The following HPSE2 variants were observed in gnomAD, a reference collection of about 807,000 sequenced individuals.
The protein encoded by HPSE2 is heparanase 2 (inactive).
A neutral mutation model predicts 60.5 loss-of-function variants in HPSE2; 38 were observed. That is an observed-to-expected ratio of 0.63 (90% CI 0.48 to 0.82). The LOEUF (loss-of-function observed/expected upper bound fraction) is 0.82, where lower values mean the gene tolerates loss of function less well. HPSE2 is among the 40% of genes least tolerant of loss of function. HPSE2 has a pLI of 0.00. For missense variants in HPSE2, 713 were observed against 740.4 expected (o/e 0.96, Z 0.43); for synonymous variants, 295 against 293.2 (o/e 1.01, Z -0.06).
intron 3 of HPSE2, among the ~76,000 whole-genome samples, chr10:98,923,818 A>G (rs1257441955): frequency 6.6e-6 from 1 of 152,084 alleles, no homozygotes; most frequent in East Asian, 1.9e-4. Flanking sequence ...GTGTTATCTT[A>G]AGTTTCTTTG....
intron 9 of HPSE2, among the ~76,000 whole-genome samples, chr10:98,513,113 C>T (rs924599611): frequency 1.3e-5 from 2 of 152,136 alleles, no homozygotes; most frequent in African/African-American, 4.8e-5. Context: ...TCCCTAGAGT[C>T]TAACACAGCA....
At chr10:98,760,568 G>A (rs1159042830) in intron 3 of HPSE2, among the ~76,000 whole-genome samples, 1 of 151,986 alleles carries the variant, frequency 6.6e-6, no homozygotes, top group Non-Finnish European at 1.5e-5. Flanking sequence ...CATGGTTTTT[G>A]TCCTTTAGTC....
intron 7 of HPSE2, among the ~76,000 whole-genome samples, chr10:98,629,582 C>G (rs201416056): frequency 6.6e-6 from 1 of 152,208 alleles, no homozygotes; most frequent in Non-Finnish European, 1.5e-5. Context: ...CTCACTGCCC[C>G]TCCCTGAGTT....
chr10:99,025,502 T>C (rs1450956682), intron 3 of HPSE2, among the ~76,000 whole-genome samples: 2 of 152,088 alleles, frequency 1.3e-5, no homozygotes, highest in Non-Finnish European at 2.9e-5. Flanking sequence ...ATATACACCA[T>C]GGAATACTAC....
intron 3 of HPSE2, among the ~76,000 whole-genome samples, chr10:99,003,214 T>C (rs117855493): frequency 0.01 from 1,560 of 152,280 alleles, 12 homozygotes; most frequent in Non-Finnish European, 0.018. Flanking sequence ...TAGTATTCCA[T>C]TGTGTGTATA....
chr10:99,167,071 C>T (rs1487137960), intron 2 of HPSE2, among the ~76,000 whole-genome samples: 5 of 151,744 alleles, frequency 3.3e-5, no homozygotes, highest in East Asian at 1.9e-4. Flanking sequence ...AGTACTGTGG[C>T]GTAATCTTGA....
intron 4 of HPSE2, among the ~76,000 whole-genome samples, chr10:98,735,898 C>T (rs571936507): frequency 6.6e-6 from 1 of 152,220 alleles, no homozygotes; most frequent in Middle Eastern, 3.4e-3. Context: ...CAGATGAGAC[C>T]TTGGACTGTG....
At chr10:98,564,368 C>T (rs1944278094) in intron 9 of HPSE2, among the ~76,000 whole-genome samples, 1 of 152,156 alleles carries the variant, frequency 6.6e-6, no homozygotes, top group African/African-American at 2.4e-5. Context: ...AATTTATAGG[C>T]ATTTTTTTGA....
At chr10:99,149,119 A>C (rs1446893791) in intron 2 of HPSE2, among the ~76,000 whole-genome samples, 1 of 152,228 alleles carries the variant, frequency 6.6e-6, no homozygotes, top group Non-Finnish European at 1.5e-5. Flanking sequence ...ATACAGAAGA[A>C]ATAGTTGACT....
Position 98,571,942 on chromosome 10 carries a change from T to TTC in HPSE2, c.1320+42961_1320+42962insGA, listed in dbSNP as rs76650605. Among the ~76,000 whole-genome samples the TTC allele has an allele frequency of 5.1e-5, 7 of 136,370 alleles. 2 individuals are homozygous for TTC. The highest frequency in any genetic ancestry group is 6.5e-5 in the Non-Finnish European group (4 of 61,564). 89.5% of individuals were successfully genotyped at this position (136,370 alleles called of 152,430 possible). A position where few individuals can be genotyped will look rare whatever the true frequency, so the allele number is the denominator to read the frequency against. On this transcript the variant is annotated intron_variant, in intron 9 of 11. Transcript: ENST00000370552. ...TTCAGAGCAAGAGAATTCCTTTTCTTTTTTTTTTTTTTTTGAGACGGAGTC... is the reference window on the plus strand; with the variant it reads ...TTCAGAGCAAGAGAATTCCTTTTCTTTCTTTTTTTTTTTTTTGAGACGGAGTC...
chr10:98,653,905 T>G (rs1946987694), intron 6 of HPSE2, among the ~76,000 whole-genome samples: 1 of 152,094 alleles, frequency 6.6e-6, no homozygotes, highest in African/African-American at 2.4e-5. Flanking sequence ...TGGTGATAAA[T>G]TCCCTCAGTT....
At chr10:98,552,984 C>T (rs528793723) in intron 9 of HPSE2, among the ~76,000 whole-genome samples, 1 of 152,226 alleles carries the variant, frequency 6.6e-6, no homozygotes, top group African/African-American at 2.4e-5. Context: ...GTTTTGCCTG[C>T]AAAAGACCCT....
At chr10:98,992,953 T>C (rs1956560085) in intron 3 of HPSE2, among the ~76,000 whole-genome samples, 1 of 152,228 alleles carries the variant, frequency 6.6e-6, no homozygotes, top group Non-Finnish European at 1.5e-5. Flanking sequence ...TGGGAATTTC[T>C]ACAGTTAACC....
At position 98,538,700 on chromosome 10, in the gene HPSE2, C is replaced by A. The variant is rs192610750; in HGVS notation, c.1321-48504G>T. 2.0e-4 allele frequency among the ~76,000 whole-genome samples: 30 copies of A among 152,136 alleles called. No homozygotes were observed. The East Asian group carries it at 5.3e-3, about 27-fold the overall frequency. ...TCCCCAGATGATTCTAAATGTGTAGCCAAGCTTGAGAACAACTGACCTAGA... is the reference window on the plus strand; with the variant it reads ...TCCCCAGATGATTCTAAATGTGTAGACAAGCTTGAGAACAACTGACCTAGA... On this transcript the variant is annotated intron_variant, in intron 9 of 11. Transcript: ENST00000370552.
chr10:98,958,725 T>C (rs145773835), intron 3 of HPSE2, among the ~76,000 whole-genome samples: 2 of 152,128 alleles, frequency 1.3e-5, no homozygotes. Context: ...TAACAGCTTC[T>C]TATGCTTATA....
chr10:98,462,110 G>C (rs893281153), intron 11 of HPSE2, among the ~76,000 whole-genome samples: 4 of 152,170 alleles, frequency 2.6e-5, no homozygotes, highest in Non-Finnish European at 5.9e-5. Context: ...AAATATGAAA[G>C]TGCTTTGAAA....
At chr10:98,849,346 A>G (rs2134726145) in intron 3 of HPSE2, among the ~76,000 whole-genome samples, 1 of 152,382 alleles carries the variant, frequency 6.6e-6, no homozygotes. Context: ...AACACTAGGT[A>G]TATATGAAAG....
intron 3 of HPSE2, among the ~76,000 whole-genome samples, chr10:99,102,831 T>C (rs2135649029): frequency 6.6e-6 from 1 of 152,182 alleles, no homozygotes; most frequent in East Asian, 1.9e-4. Context: ...GTTCAACATA[T>C]GCAAATCAAT....
intron 11 of HPSE2, among the ~76,000 whole-genome samples, chr10:98,467,589 C>T (rs994196763): frequency 2.0e-5 from 3 of 152,118 alleles, no homozygotes; most frequent in Non-Finnish European, 4.4e-5. Context: ...GCTCCCTTTC[C>T]TCCAGTGTGC....
Sources: allele counts gnomAD v4.1 joint callset (sites outside exome capture counted in the v4.1 genomes callset), GRCh38; gene constraint gnomAD v4.1.1; transcripts MANE v1.5; gene names NCBI Gene and HGNC (gene_info 2026-07-23, HGNC 2026-07-21).